The following FUT8 variants were observed in gnomAD, a reference collection of about 807,000 sequenced individuals.
FUT8 encodes alpha-(1,6)-fucosyltransferase.
Under a neutral mutation model 71.3 loss-of-function variants are expected in FUT8, and 29 were observed. The observed-to-expected ratio is 0.41, with a 90% CI of 0.30 to 0.55. The LOEUF (loss-of-function observed/expected upper bound fraction) is 0.55. Ranked by LOEUF, FUT8 falls within the 20% of genes least tolerant of loss-of-function variation. The pLI, the probability that FUT8 is intolerant of heterozygous loss-of-function variation, is 0.34. For synonymous variants in FUT8, 254 were observed against 239.3 expected (o/e 1.06, Z -0.57); for missense variants, 544 against 702.1 (o/e 0.77, Z 2.55).
intron 2 of FUT8, among the ~76,000 whole-genome samples, chr14:65,540,941 T>C (rs1258460784): frequency 6.6e-6 from 1 of 152,214 alleles, no homozygotes. Context: ...TTTTGATGGA[T>C]ATTGGGGATG....
At chr14:65,726,953 C>T (rs1046836815) in intron 9 of FUT8, among the ~76,000 whole-genome samples, 3 of 152,126 alleles carry the variant, frequency 2.0e-5, no homozygotes, top group East Asian at 1.9e-4. Context: ...CATGCAAGTC[C>T]GAAATCCAGT....
chr14:65,432,663 T>C (rs1235013114), intron 1 of FUT8, among the ~76,000 whole-genome samples: 4 of 151,986 alleles, frequency 2.6e-5, no homozygotes, highest in Non-Finnish European at 5.9e-5. Context: ...ATAAAACAGG[T>C]TGCAGTTAAG....
chr14:65,578,962 A>C (rs573108042), intron 3 of FUT8, among the ~76,000 whole-genome samples: 1 of 152,278 alleles, frequency 6.6e-6, no homozygotes, highest in South Asian at 2.1e-4. Context: ...AGAAATGCTT[A>C]AGAGATTGTA....
At chr14:65,428,926 G>A (rs2065427969) in intron 1 of FUT8, among the ~76,000 whole-genome samples, 1 of 152,178 alleles carries the variant, frequency 6.6e-6, no homozygotes, top group Non-Finnish European at 1.5e-5. Flanking sequence ...AGTTTTTCAA[G>A]AAGAACGAAG....
intron 2 of FUT8, among the ~76,000 whole-genome samples, chr14:65,476,805 A>T (rs1345566391): frequency 6.6e-6 from 1 of 152,178 alleles, no homozygotes; most frequent in South Asian, 2.1e-4. Flanking sequence ...AGTAATACTG[A>T]GATCTTGGAA....
intron 2 of FUT8, chr14:65,468,065 A>G (rs2066073194): frequency 4.6e-6 from 3 of 654,442 alleles, no homozygotes; most frequent in Non-Finnish European, 5.7e-6. Context: ...GTTTGTTGAC[A>G]AGTTGTTTAC....
At chr14:65,631,723 T>C (rs1462393654) in intron 6 of FUT8, among the ~76,000 whole-genome samples, 1 of 152,076 alleles carries the variant, frequency 6.6e-6, no homozygotes, top group East Asian at 1.9e-4. Flanking sequence ...CTTTTTTTCA[T>C]AGGTTGTTGG....
the FUT8 span, among the ~76,000 whole-genome samples, chr14:65,379,839 T>C: frequency 3.3e-5 from 5 of 152,164 alleles, no homozygotes; most frequent in African/African-American, 4.8e-5. Context: ...GTGAGGGCCA[T>C]CTTGCTGGGC....
At chr14:65,658,119 T>C (rs78487082) in intron 6 of FUT8, among the ~76,000 whole-genome samples, 2,668 of 152,198 alleles carry the variant, frequency 0.018, 78 homozygotes, top group African/African-American at 0.061. Context: ...ATCTCAATAG[T>C]AAGAAACAAT....
rs1439330426 is a variant in FUT8 at position 65,467,960 on chromosome 14, C to A, written c.-228+12242C>A. 42 of 720,662 alleles carry A rather than the reference C, an allele frequency of 5.8e-5. No individual in the cohort carries two copies. The highest frequency in any genetic ancestry group is 2.6e-6 in the Non-Finnish European group (1 of 384,728). The allele number at this position is 720,662 out of a possible 1,614,324, so 44.6% of individuals were successfully genotyped here. A position where few individuals can be genotyped will look rare whatever the true frequency, so the allele number is the denominator to read the frequency against. ...CTTCTTTCTTTTTCCGATCATTTTC[C>A]TTTACGTGTTTCAGGAAGCTATTTT... On this transcript the variant is annotated intron_variant, in intron 2 of 10. Transcript: ENST00000673929. This position sits in a 1 kb window ranked among gnomAD's most constrained non-coding sequence, Gnocchi z 4.1.
intron 2 of FUT8, among the ~76,000 whole-genome samples, chr14:65,497,289 GT>G (rs1022840985): frequency 6.6e-5 from 10 of 152,174 alleles, no homozygotes; most frequent in Non-Finnish European, 2.9e-5. Flanking sequence ...GAAGTTGACA[GT>G]GGTTTGAAGG....
At chr14:65,389,055 G>A in the FUT8 span, among the ~76,000 whole-genome samples, 1 of 151,098 alleles carries the variant, frequency 6.6e-6, no homozygotes, top group East Asian at 1.9e-4. Context: ...AGGCTGGAGT[G>A]CAGTGGCATG....
the FUT8 span, among the ~76,000 whole-genome samples, chr14:65,388,579 T>C: frequency 6.6e-6 from 1 of 152,024 alleles, no homozygotes; most frequent in African/African-American, 2.4e-5. Context: ...CTGGGCAACA[T>C]AGTGAAACCC....
chr14:65,455,649 T>C lies in FUT8; in HGVS notation c.-297T>C. ...GCTGCTTTTGCTCAGAGGACATCCA[T>C]GACCCTAATGGTCTTTTTGTTCAAG... On this transcript the variant is annotated 5_prime_UTR_variant, in exon 2 of 11. It removes an upstream start codon present in the reference 5' UTR. Transcript: ENST00000673929. The C allele has an allele frequency of 2.5e-6, 1 of 398,426 alleles. No individual in the cohort carries two copies. Among genetic ancestry groups the C allele is most frequent in the Non-Finnish European group, 4.4e-6 (1 of 225,946 alleles). 24.7% of individuals were successfully genotyped at this position (398,426 alleles called of 1,614,324 possible). A position where few individuals can be genotyped will look rare whatever the true frequency, so the allele number is the denominator to read the frequency against.
intron 3 of FUT8, among the ~76,000 whole-genome samples, chr14:65,598,796 A>G (rs1440734949): frequency 1.3e-5 from 2 of 151,606 alleles, no homozygotes; most frequent in African/African-American, 2.4e-5. Flanking sequence ...CTTGGAACAT[A>G]TTTTTTTTCC....
intron 1 of FUT8, among the ~76,000 whole-genome samples, chr14:65,451,600 G>A (rs2065827708): frequency 6.6e-6 from 1 of 152,200 alleles, no homozygotes; most frequent in African/African-American, 2.4e-5. Flanking sequence ...CTGAGCTCTT[G>A]TCTGGCGCCC....
At chr14:65,373,376 G>C in the FUT8 span, among the ~76,000 whole-genome samples, 1 of 151,432 alleles carries the variant, frequency 6.6e-6, no homozygotes, top group Non-Finnish European at 1.5e-5. Flanking sequence ...GAGTGGCAGA[G>C]TGACAGAGCA....
chr14:65,411,693 C>T, upstream of FUT8: 1 of 269,388 alleles, frequency 3.7e-6, no homozygotes, highest in South Asian at 3.5e-5. Flanking sequence ...GTCTTAAGGG[C>T]ACCATTTCGC....
chr14:65,502,544 A>T (rs549799554), intron 2 of FUT8, among the ~76,000 whole-genome samples: 1 of 152,256 alleles, frequency 6.6e-6, no homozygotes, highest in South Asian at 2.1e-4. Context: ...TTATTCTGAG[A>T]TAATTCTGTT....
Sources: gnomAD v4.1 joint callset for allele counts (sites outside exome capture counted in the v4.1 genomes callset) on GRCh38, gnomAD v4.1.1 for gene constraint, Gnocchi (gnomAD v3.1) non-coding constraint, MANE v1.5 for transcripts, NCBI Gene and HGNC (gene_info 2026-07-23, HGNC 2026-07-21) for gene names.